RBM39: variants seen among roughly 807,000 people sequenced by gnomAD.
RBM39 encodes RNA binding motif protein 39.
Under a neutral mutation model 79.6 loss-of-function variants are expected in RBM39, and 12 were observed. The observed-to-expected ratio is 0.15, with a 90% CI of 0.10 to 0.24. RBM39 has a LOEUF of 0.24. Among genes scored for constraint, RBM39 ranks in the 10% least tolerant of loss-of-function variants. The pLI, the probability that RBM39 is intolerant of heterozygous loss-of-function variation, is 1.00. For missense variants in RBM39, 243 were observed against 653.4 expected (o/e 0.37, Z 6.85); for synonymous variants, 185 against 208.4 (o/e 0.89, Z 0.97).
chr20:35,735,222 G>A (rs543431876), intron 3 of RBM39: 4 of 1,247,096 alleles, frequency 3.2e-6, no homozygotes, highest in Non-Finnish European at 4.2e-6. Flanking sequence ...TTAACGGAAT[G>A]GACGCTGATT....
At chr20:35,714,164 G>T in intron 11 of RBM39, 21 bp downstream of exon 11, 3 of 1,606,122 alleles carry the variant, frequency 1.9e-6, no homozygotes, top group Admixed American at 3.3e-5. Flanking sequence ...TAAATCATTC[G>T]TAATAGCAAG....
At chr20:35,712,873 C>A in intron 12 of RBM39, 146 bp downstream of exon 12, 1 of 619,786 alleles carries the variant, frequency 1.6e-6, no homozygotes, top group Non-Finnish European at 2.7e-6. Flanking sequence ...TATGTCTCCA[C>A]TTCCTTAAAT....
intron 4 of RBM39, among the ~76,000 whole-genome samples, chr20:35,730,783 CA>C (rs1238869482): frequency 6.6e-6 from 1 of 151,952 alleles, no homozygotes; most frequent in Non-Finnish European, 1.5e-5. Flanking sequence ...GGGACAAAAG[CA>C]GAGAAGTTCC....
chr20:35,736,432 A>G (rs913298819), intron 3 of RBM39: 4 of 268,908 alleles, frequency 1.5e-5, no homozygotes, highest in Non-Finnish European at 2.4e-5. Flanking sequence ...GGGAACTACA[A>G]AAAAAAAAAA....
chr20:35,729,853 A>AC (rs200469448), intron 4 of RBM39, among the ~76,000 whole-genome samples: 15,114 of 151,516 alleles, frequency 0.1, 775 homozygotes, highest in South Asian at 0.14. Flanking sequence ...TAAAAAAAAA[A>AC]AAACACACAC....
chr20:35,724,471 G>GT, intron 8 of RBM39, 99 bp downstream of exon 8: 1 of 1,069,354 alleles, frequency 9.4e-7, no homozygotes, highest in Non-Finnish European at 1.3e-6. Context: ...CCGACTCAAC[G>GT]TAATGAGCAG....
chr20:35,729,852 A>G (rs1023652598), intron 4 of RBM39, among the ~76,000 whole-genome samples: 3 of 151,742 alleles, frequency 2.0e-5, no homozygotes, highest in African/African-American at 7.3e-5. Flanking sequence ...TTAAAAAAAA[A>G]AAAACACACA....
rs1601547042 is a variant in RBM39 at position 35,702,456 on chromosome 20, CAGATG to C, written c.*2020_*2024del. 6.8e-6 allele frequency: 1 copy of C among 146,014 alleles called. No homozygotes were observed. Among genetic ancestry groups the C allele is most frequent in the Admixed American group, 6.6e-5 (1 of 15,064 alleles). 9.0% of individuals were successfully genotyped at this position (146,014 alleles called of 1,614,324 possible). A position where few individuals can be genotyped will look rare whatever the true frequency, so the allele number is the denominator to read the frequency against. ...CTCTGGTAGCAACTAAATTTTGGCA[CAGATG>C]AGATTAACCACTAAAGGCCACATTT... On this transcript the variant is annotated 3_prime_UTR_variant, in exon 17 of 17. Coordinates refer to ENST00000253363, the MANE Select transcript of RBM39 (RefSeq NM_184234.3).
intron 6 of RBM39, among the ~76,000 whole-genome samples, chr20:35,725,684 G>C (rs1289977931): frequency 2.1e-5 from 3 of 145,384 alleles, no homozygotes; most frequent in Non-Finnish European, 4.5e-5. Flanking sequence ...TTTTCCAGAG[G>C]AAGTCTTGTT....
chr20:35,739,777 T>A (rs2040330169), intron 2 of RBM39: 1 of 260,718 alleles, frequency 3.8e-6, no homozygotes, highest in Non-Finnish European at 7.7e-6. Flanking sequence ...TATTTAAATC[T>A]ATCAAGAATT....
chr20:35,712,937 A>G, intron 12 of RBM39, 82 bp downstream of exon 12: 1 of 1,074,332 alleles, frequency 9.3e-7, no homozygotes, highest in Non-Finnish European at 1.3e-6. Flanking sequence ...ATTCTCAGTA[A>G]GTCCTTTTAA....
rs960728061 is a variant in RBM39, at chr20:35,708,229, AAGTT to A, written c.1225+991_1225+994del. Reference sequence around the variant, plus strand: ...TAACATGTCAAATTCTGCTGGAAAAAAGTTAAAGATTCGAGAGTGTATTATAACT... The same window carrying A: ...TAACATGTCAAATTCTGCTGGAAAAAAAAGATTCGAGAGTGTATTATAACT... On this transcript the variant is annotated intron_variant, in intron 13 of 16. Transcript: ENST00000253363. Among the ~76,000 whole-genome samples the A allele has an allele frequency of 5.9e-4, 90 of 152,098 alleles. 1 individual carries two copies. Among genetic ancestry groups the A allele is most frequent in the Non-Finnish European group, 2.4e-4 (16 of 67,958 alleles).
chr20:35,717,611 A>C (rs2037314534), intron 9 of RBM39, among the ~76,000 whole-genome samples: 1 of 152,116 alleles, frequency 6.6e-6, no homozygotes, highest in East Asian at 1.9e-4. Context: ...ACTAACTAAA[A>C]ACCATTGAGT....
rs1256438982 is a variant in RBM39, at chr20:35,733,730, C to T, written c.102-1595G>A. 2.0e-5 allele frequency among the ~76,000 whole-genome samples: 3 copies of T among 152,198 alleles called. No homozygotes were observed. The East Asian group carries it at 5.8e-4, about 29-fold the overall frequency. ...TGAATACACCAGAAAATGGAGTATG[C>T]CATTTTTAAGCCAGTTTATAGAAAC... On this transcript the variant is annotated intron_variant, in intron 3 of 16. Coordinates refer to ENST00000253363, the MANE Select transcript of RBM39 (RefSeq NM_184234.3).
rs752251776 is a variant in RBM39, at chr20:35,707,108, T to C, written c.1307+12A>G. On this transcript the variant is annotated intron_variant, in intron 14 of 16. Transcript: ENST00000253363. ...TTGATAGGAAATATCAAGAATAAAG[T>C]CCATTACTTACGTTTGAGGGTTAAA... 20 of 1,507,636 alleles carry C rather than the reference T, an allele frequency of 1.3e-5. No individual in the cohort carries two copies. The highest frequency in any genetic ancestry group is 1.7e-5 in the Non-Finnish European group (19 of 1,100,322). 93.4% of individuals were successfully genotyped at this position (1,507,636 alleles called of 1,614,324 possible).
At chr20:35,717,972 C>T (rs765054506) in intron 9 of RBM39, among the ~76,000 whole-genome samples, 3 of 151,982 alleles carry the variant, frequency 2.0e-5, no homozygotes, top group Non-Finnish European at 4.4e-5. Flanking sequence ...CATTCTCCTG[C>T]CTCAGCCTCC....
At chr20:35,724,887 G>T in intron 7 of RBM39, 151 bp downstream of exon 7, 1 of 1,025,994 alleles carries the variant, frequency 9.7e-7, no homozygotes, top group East Asian at 2.5e-5. Context: ...CAAATTTGTA[G>T]TAACATTTAT....
chr20:35,738,263 G>A (rs907107171), intron 3 of RBM39, among the ~76,000 whole-genome samples: 1 of 151,698 alleles, frequency 6.6e-6, no homozygotes, highest in South Asian at 2.1e-4. Flanking sequence ...GCAAGACTCC[G>A]ACTCACAAGA....
rs140970917 is a variant in RBM39, at chr20:35,713,345, T to G, written c.1097-249A>C. ...TTTTTTTTGAGATGGAGTATCGCTC[T>G]TGTTGCACAGGCTCTTGTTGCACAG... is the stretch of plus-strand genomic sequence containing the variant. On this transcript the variant is annotated intron_variant, in intron 11 of 16. Transcript: ENST00000253363. 1.9e-4 allele frequency: 64 copies of G among 336,638 alleles called. No homozygotes were observed. The East Asian group carries it at 3.7e-3, about 19-fold the overall frequency. The allele number at this position is 336,638 out of a possible 1,614,324, so 20.9% of individuals were successfully genotyped here. A position where few individuals can be genotyped will look rare whatever the true frequency, so the allele number is the denominator to read the frequency against.
Sources: allele counts gnomAD v4.1 joint callset (sites outside exome capture counted in the v4.1 genomes callset), GRCh38; gene constraint gnomAD v4.1.1; transcripts MANE v1.5; gene names NCBI Gene and HGNC (gene_info 2026-07-23, HGNC 2026-07-21).